The following COL2A1 variants were observed in gnomAD, a reference collection of about 807,000 sequenced individuals.
COL2A1 encodes the protein collagen type II alpha 1 chain, also known as collagen alpha-1(II) chain.
A neutral mutation model predicts 204.5 loss-of-function variants in COL2A1; 28 were observed. The ratio of observed to expected loss-of-function variants is 0.14; its 90% CI spans 0.10 to 0.19. COL2A1 has a LOEUF of 0.19. Among genes scored for constraint, COL2A1 ranks in the 10% least tolerant of loss-of-function variants. The probability of loss-of-function intolerance (pLI) is 1.00; values close to 1 mark genes in which losing one functional copy is unlikely to be tolerated. For synonymous variants in COL2A1, 708 were observed against 718.7 expected (o/e 0.99, Z 0.24); for missense variants, 1,388 against 2,027.5 (o/e 0.68, Z 6.06).
At chr12:47,998,808 C>T (rs1940092771) in intron 2 of COL2A1, 1 of 237,252 alleles carries the variant, frequency 4.2e-6, no homozygotes, top group Non-Finnish European at 8.2e-6. Flanking sequence ...GAACCCCAAG[C>T]CCTCCCAGAG....
chr12:47,983,865 A>T, intron 29 of COL2A1, 129 bp from the exon 30 acceptor site: 3 of 1,038,896 alleles, frequency 2.9e-6, no homozygotes, highest in Non-Finnish European at 4.4e-6. Flanking sequence ...CAGACAGTGC[A>T]TGCATGCCTC....
intron 2 of COL2A1, chr12:47,998,782 G>T (rs913476806): frequency 9.0e-5 from 24 of 266,756 alleles, no homozygotes; most frequent in Non-Finnish European, 1.3e-4. Flanking sequence ...CCCCCACAGG[G>T]TAGGGAGCCG....
At chr12:47,986,810 C>A in intron 22 of COL2A1, 25 bp downstream of exon 22, 2 of 1,614,074 alleles carry the variant, frequency 1.2e-6, no homozygotes, top group Non-Finnish European at 1.7e-6. Flanking sequence ...GCAGAGAAGA[C>A]AAGGGCTTGG....
chr12:47,993,589 C>T (rs1262658310), intron 14 of COL2A1, 87 bp from the exon 15 acceptor site: 1 of 1,270,666 alleles, frequency 7.9e-7, no homozygotes, highest in African/African-American at 1.5e-5. Context: ...AAGCCCTGGT[C>T]ATCTCAGCTC....
At position 47,980,837 on chromosome 12, in the gene COL2A1, A is replaced by G. The variant is rs1939023655; in HGVS notation, c.2517+78T>C. On this transcript the variant is annotated intron_variant, in intron 38 of 53. Coordinates refer to ENST00000380518, the MANE Select transcript of COL2A1 (RefSeq NM_001844.5). This position sits in a 1 kb window ranked among gnomAD's most constrained non-coding sequence, Gnocchi z 4.5. ...AGGAGCATCCATTTCCCTCCCTGAC[A>G]AGCTCCGATGCCCGAGGGTGCTGGA... 1.3e-6 allele frequency: 2 copies of G among 1,512,754 alleles called. No individual in the cohort carries two copies. Among genetic ancestry groups the G allele is most frequent in the Non-Finnish European group, 1.8e-6 (2 of 1,111,720 alleles). The allele number at this position is 1,512,754 out of a possible 1,614,324, so 93.7% of individuals were successfully genotyped here.
chr12:48,000,270 C>A (rs1223427723), intron 1 of COL2A1, 145 bp from the exon 2 acceptor site: 3 of 659,350 alleles, frequency 4.5e-6, no homozygotes, highest in Non-Finnish European at 8.2e-6. Flanking sequence ...ACATATAGAA[C>A]TTAAAAATTA....
In COL2A1 at chr12:47,982,993, G is replaced by A. The variant is rs140946776; in HGVS notation, c.2095-47C>T. 40 of 1,607,838 alleles carry A rather than the reference G, an allele frequency of 2.5e-5. 1 individual carries two copies. In the African/African-American group the frequency reaches 4.5e-4, roughly 18 times the overall value. On this transcript the variant is annotated intron_variant, in intron 32 of 53. Transcript: ENST00000380518. ...GTGATCAACCAACAGCAGTGGGGGA[G>A]AAGGTCCAGGGAGAAGCAGGGAGGT... is the stretch of plus-strand genomic sequence containing the variant.
Position 47,976,148 on chromosome 12 carries a change from C to T in COL2A1, c.3490-78G>A. Reference sequence around the variant, plus strand: ...GGAGTCGCTGGGGCTGGGTAGGTGGCTGTCCTGATAGCACCAGCCACTCCG... The same window carrying T: ...GGAGTCGCTGGGGCTGGGTAGGTGGTTGTCCTGATAGCACCAGCCACTCCG... On this transcript the variant is annotated intron_variant, in intron 49 of 53. Coordinates refer to ENST00000380518, the MANE Select transcript of COL2A1 (RefSeq NM_001844.5). The surrounding 1 kb of genome is among the most constrained non-coding windows in gnomAD (Gnocchi z 4.3). The T allele has an allele frequency of 1.0e-6, 1 of 1,002,980 alleles. No homozygotes were observed. The highest frequency in any genetic ancestry group is 1.6e-6 in the Non-Finnish European group (1 of 624,132). 62.1% of individuals were successfully genotyped at this position (1,002,980 alleles called of 1,614,324 possible). A position where few individuals can be genotyped will look rare whatever the true frequency, so the allele number is the denominator to read the frequency against.
Position 47,986,437 on chromosome 12 carries a change from C to T in COL2A1, c.1426G>A (p.Ala476Thr). 2.6e-6 allele frequency: 4 copies of T among 1,555,006 alleles called. No homozygotes were observed. The highest frequency in any genetic ancestry group is 3.5e-6 in the Non-Finnish European group (4 of 1,147,730). ...EQGPKGEPGP[A>T]GPQGAPGPAG... Reference sequence around the variant, plus strand: ...GGTCCAGGGGCTCCCTGGGGGCCAGCAGGGCCCTGAGGACCAGCAAAAAAG... The same window carrying T: ...GGTCCAGGGGCTCCCTGGGGGCCAGTAGGGCCCTGAGGACCAGCAAAAAAG... The change falls in exon 23 of 54, where the codon GCT (alanine) becomes ACT (threonine). Residue 476 changes from alanine to threonine, a missense_variant. Ala to Thr is a moderately conservative substitution (Grantham distance 58, BLOSUM62 0). Coordinates refer to ENST00000380518, the MANE Select transcript of COL2A1 (RefSeq NM_001844.5).
intron 2 of COL2A1, among the ~76,000 whole-genome samples, chr12:47,999,061 GT>G (rs1940103924): frequency 6.6e-6 from 1 of 152,174 alleles, no homozygotes; most frequent in African/African-American, 2.4e-5. Context: ...GGGAGCCAGT[GT>G]TGGTGAAGTG....
chr12:47,979,978 T>G (rs1304726140), intron 40 of COL2A1, 31 bp downstream of exon 40: 1 of 1,544,582 alleles, frequency 6.5e-7, no homozygotes, highest in Admixed American at 2.0e-5. Flanking sequence ...CTTTGTGAGG[T>G]GCAGGGTGGG....
In COL2A1 at chr12:47,982,162, TG is replaced by T; in HGVS notation, c.2302-3del. The T allele has an allele frequency of 6.2e-7, 1 of 1,613,648 alleles. No homozygotes were observed. Among genetic ancestry groups the T allele is most frequent in the Non-Finnish European group, 8.5e-7 (1 of 1,179,676 alleles). ...AGGGCCTTTCTCACCAACGTCACCCTGAGGGAAGAGAAAACCAGCCGCCTCA... is the reference window on the plus strand; with the variant it reads ...AGGGCCTTTCTCACCAACGTCACCCTAGGGAAGAGAAAACCAGCCGCCTCA... On this transcript the variant is annotated splice_region_variant and splice_polypyrimidine_tract_variant and intron_variant, in intron 34 of 53. Transcript: ENST00000380518.
At chr12:48,000,286 C>T (rs1349902873) in intron 1 of COL2A1, among the ~76,000 whole-genome samples, 161 bp from the exon 2 acceptor site, 1 of 152,168 alleles carries the variant, frequency 6.6e-6, no homozygotes, top group Non-Finnish European at 1.5e-5. Context: ...AATTATTTTC[C>T]TAAAACATCA....
chr12:47,976,117 G>T lies in COL2A1; in HGVS notation c.3490-47C>A. ...AGGAAAGAGTGGTCACCACAGGGAAGGCTGGGGAGTCGCTGGGGCTGGGTA... is the reference window on the plus strand; with the variant it reads ...AGGAAAGAGTGGTCACCACAGGGAATGCTGGGGAGTCGCTGGGGCTGGGTA... On this transcript the variant is annotated intron_variant, in intron 49 of 53. Transcript: ENST00000380518. This position sits in a 1 kb window ranked among gnomAD's most constrained non-coding sequence, Gnocchi z 4.3. 1.4e-6 allele frequency: 2 copies of T among 1,418,736 alleles called. No homozygotes were observed. The highest frequency in any genetic ancestry group is 1.1e-5 in the South Asian group (1 of 87,184). The allele number at this position is 1,418,736 out of a possible 1,614,324, so 87.9% of individuals were successfully genotyped here. A position where few individuals can be genotyped will look rare whatever the true frequency, so the allele number is the denominator to read the frequency against.
Position 47,980,831 on chromosome 12 carries a change from C to G in COL2A1, c.2517+84G>C. The G allele has an allele frequency of 6.7e-7, 1 of 1,499,456 alleles. No individual in the cohort carries two copies. The highest frequency in any genetic ancestry group is 1.2e-5 in the South Asian group (1 of 83,010). 92.9% of individuals were successfully genotyped at this position (1,499,456 alleles called of 1,614,324 possible). On this transcript the variant is annotated intron_variant, in intron 38 of 53. Transcript: ENST00000380518. The surrounding 1 kb of genome is among the most constrained non-coding windows in gnomAD (Gnocchi z 4.5). ...GAGGAGAGGAGCATCCATTTCCCTC[C>G]CTGACAAGCTCCGATGCCCGAGGGT...
intron 18 of COL2A1, 69 bp downstream of exon 18, chr12:47,989,159 G>A (rs1939579783): frequency 1.5e-6 from 2 of 1,356,444 alleles, no homozygotes; most frequent in African/African-American, 1.4e-5. Flanking sequence ...GGAGCAATGA[G>A]CAAGGGTTAC....
chr12:47,979,609 A>G, intron 40 of COL2A1, 45 bp from the exon 41 acceptor site: 2 of 1,091,804 alleles, frequency 1.8e-6, no homozygotes, highest in Non-Finnish European at 2.6e-6. Flanking sequence ...AGCCCTCAGG[A>G]GGTTTGAGAT....
rs1331195100 is a variant in COL2A1, at chr12:47,983,131, G to T, written c.2056C>A (p.Pro686Thr). The T allele has an allele frequency of 4.3e-6, 7 of 1,613,686 alleles. No individual in the cohort carries two copies. The highest frequency in any genetic ancestry group is 1.3e-5 in the African/African-American group (1 of 75,030). ...EGGKPGDQGV[P>T]GEAGAPGLVG... ...AGGCCAGGGGCTCCAGCTTCACCGGGAACACCCTGGAGAACAAAGAAAGAT... is the reference window on the plus strand; with the variant it reads ...AGGCCAGGGGCTCCAGCTTCACCGGTAACACCCTGGAGAACAAAGAAAGAT... The change falls in exon 32 of 54, where the codon CCC becomes ACC. Residue 686 changes from proline (P) to threonine (T), a missense_variant. Physicochemically the swap from Pro to Thr is conservative, Grantham distance 38. Around this residue, in one of 3 missense-constraint regions of COL2A1, gnomAD observed 884 missense variants for 1,415.8 expected, o/e 0.62. Coordinates refer to ENST00000380518, the MANE Select transcript of COL2A1 (RefSeq NM_001844.5).
At chr12:47,999,634 A>ATTTT (rs10708850) in intron 2 of COL2A1, 9,817 of 155,918 alleles carry the variant, frequency 0.063, 1,897 homozygotes, top group African/African-American at 0.3. Flanking sequence ...TTCAGAGAGG[A>ATTTT]TTTTTTTTTT....
Sources: allele counts gnomAD v4.1 joint callset (sites outside exome capture counted in the v4.1 genomes callset), GRCh38; gene constraint gnomAD v4.1.1; regional missense constraint gnomAD v4.1.1; non-coding constraint Gnocchi (gnomAD v3.1); transcripts MANE v1.5; gene names NCBI Gene and HGNC (gene_info 2026-07-23, HGNC 2026-07-21).